The following TEX11 variants were observed in gnomAD, a reference collection of about 807,000 sequenced individuals.
TEX11 encodes testis-expressed protein 11.
TEX11 carries 7 observed loss-of-function variants against 84.4 expected under a neutral mutation model. That is an observed-to-expected ratio of 0.08 (90% CI 0.05 to 0.16). The LOEUF (loss-of-function observed/expected upper bound fraction) is 0.16, where lower values mean the gene tolerates loss of function less well. TEX11 is among the 10% of genes least tolerant of loss of function. TEX11 has a pLI of 1.00. For missense variants in TEX11, 551 were observed against 660.5 expected (o/e 0.83, Z 1.82); for synonymous variants, 264 against 222.8 (o/e 1.18, Z -1.64).
intron 9 of TEX11, among the ~76,000 whole-genome samples, chrX:70,772,064 C>A (rs1036182957): frequency 1.8e-5 from 2 of 111,697 alleles, no homozygotes; most frequent in African/African-American, 6.5e-5. Flanking sequence ...CACACAAACC[C>A]AGATTCCAGG....
In TEX11 at chrX:70,904,829, T is replaced by C. The variant is rs1297736078; in HGVS notation, c.37+2924A>G. On this transcript the variant is annotated intron_variant, in intron 2 of 29. Transcript: ENST00000374333. ...TGTAAAATAACTTATTAATAATTTGTATATTGATTATGTTATAATAACATT... is the reference window on the plus strand; with the variant it reads ...TGTAAAATAACTTATTAATAATTTGCATATTGATTATGTTATAATAACATT... 2.7e-5 allele frequency among the ~76,000 whole-genome samples: 3 copies of C among 112,803 alleles called. No individual in the cohort carries two copies. In the Admixed American group the frequency reaches 2.8e-4, roughly 11 times the overall value.
the TEX11 span, among the ~76,000 whole-genome samples, chrX:70,512,427 C>T: frequency 1.9e-5 from 2 of 107,667 alleles, no homozygotes; most frequent in African/African-American, 6.9e-5. Flanking sequence ...CCATGATGGC[C>T]AGGCTGGTCT....
chrX:70,849,178 T>G (rs971349271), intron 7 of TEX11, among the ~76,000 whole-genome samples: 1 of 112,124 alleles, frequency 8.9e-6, no homozygotes, highest in Non-Finnish European at 1.9e-5. Flanking sequence ...CTAACCTAAG[T>G]CATTCATTTG....
At chrX:70,864,190 C>T (rs1254409803) in intron 4 of TEX11, among the ~76,000 whole-genome samples, 2 of 111,089 alleles carry the variant, frequency 1.8e-5, no homozygotes, top group East Asian at 3.0e-4. Context: ...ACTTCCCCAA[C>T]CTGGCAAGGC....
intron 13 of TEX11, among the ~76,000 whole-genome samples, chrX:70,715,161 A>C (rs1478475480): frequency 1.8e-5 from 2 of 109,818 alleles, no homozygotes; most frequent in Non-Finnish European, 3.8e-5. Flanking sequence ...CTGAGAGATC[A>C]GCTGTTAGTC....
intron 13 of TEX11, among the ~76,000 whole-genome samples, chrX:70,695,886 C>CA (rs983894540): frequency 9.8e-5 from 11 of 111,724 alleles, no homozygotes; most frequent in Admixed American, 9.5e-4. Flanking sequence ...CCAAATATAG[C>CA]AAATTGTGAG....
intron 11 of TEX11, among the ~76,000 whole-genome samples, chrX:70,740,268 G>A (rs770277961): frequency 1.2e-4 from 13 of 111,298 alleles, no homozygotes; most frequent in Admixed American, 6.7e-4. Flanking sequence ...CAAGGTGCTC[G>A]CAGATTCGGT....
intron 17 of TEX11, among the ~76,000 whole-genome samples, chrX:70,632,076 C>T (rs910525480): frequency 1.0e-4 from 10 of 97,104 alleles, no homozygotes; most frequent in African/African-American, 3.7e-4. Flanking sequence ...TCTAAATTAG[C>T]CTTTGTTTTC....
At chrX:70,602,361 G>A (rs943251816) in intron 24 of TEX11, among the ~76,000 whole-genome samples, 3 of 107,704 alleles carry the variant, frequency 2.8e-5, no homozygotes, top group East Asian at 2.9e-4. Flanking sequence ...CCATGATCAA[G>A]TGGGCTTCAT....
At chrX:70,558,968 G>C (rs1452170156) in intron 25 of TEX11, among the ~76,000 whole-genome samples, 1 of 112,017 alleles carries the variant, frequency 8.9e-6, no homozygotes, top group African/African-American at 3.2e-5. Flanking sequence ...ATTGCTGGTG[G>C]AAATGTAAAA....
chrX:70,593,890 C>T (rs2088968441), intron 24 of TEX11, among the ~76,000 whole-genome samples: 1 of 110,905 alleles, frequency 9.0e-6, no homozygotes, highest in African/African-American at 3.3e-5. Context: ...ACATGGGACA[C>T]CATTAGGCAC....
intron 9 of TEX11, among the ~76,000 whole-genome samples, chrX:70,765,970 G>C (rs1260105180): frequency 8.9e-6 from 1 of 112,272 alleles, no homozygotes; most frequent in Non-Finnish European, 1.9e-5. Flanking sequence ...AAAATCAGTA[G>C]CATTTCTATA....
At position 70,529,994 on chromosome X, in the gene TEX11, G is replaced by C. The variant is rs2087864153; in HGVS notation, c.2526C>G (p.Asp842Glu). The C allele has an allele frequency of 1.7e-6, 2 of 1,203,401 alleles. No individual in the cohort carries two copies. ...GCCAGAGAATCTCCATTTCTGGGTAGTCTTTCTATAATCCAAGAACAGAAA... is the reference window on the plus strand; with the variant it reads ...GCCAGAGAATCTCCATTTCTGGGTACTCTTTCTATAATCCAAGAACAGAAA... ...DALSHISRTK[D>E]YPEMEILWLM... Residue 842 changes from aspartate to glutamate, a missense_variant, in exon 29 of 30, where the codon GAC becomes GAG. By Grantham distance (45) the Asp-to-Glu change is conservative. Coordinates refer to ENST00000374333, the MANE Select transcript of TEX11 (RefSeq NM_031276.3).
At chrX:70,777,810 CAAAG>C (rs1013993191) in intron 9 of TEX11, among the ~76,000 whole-genome samples, 2 of 110,639 alleles carry the variant, frequency 1.8e-5, no homozygotes, top group African/African-American at 6.6e-5. Context: ...AATCAAGTCA[CAAAG>C]GAAGACAGCA....
chrX:70,576,143 C>A (rs1212981918), intron 25 of TEX11, among the ~76,000 whole-genome samples: 1 of 111,728 alleles, frequency 9.0e-6, no homozygotes, highest in Admixed American at 9.6e-5. Context: ...CAGGGTTAAT[C>A]CTTTTGTAAA....
At chrX:70,622,654 T>A (rs2089408584) in intron 20 of TEX11, among the ~76,000 whole-genome samples, 1 of 112,027 alleles carries the variant, frequency 8.9e-6, no homozygotes, top group South Asian at 3.7e-4. Context: ...GGTTTAGTCC[T>A]TTTTTAAAAA....
intron 13 of TEX11, among the ~76,000 whole-genome samples, chrX:70,713,669 G>T (rs757261652): frequency 9.0e-6 from 1 of 111,101 alleles, no homozygotes; most frequent in Non-Finnish European, 1.9e-5. Context: ...GCGTCTATTT[G>T]ATTCTTCTCT....
chrX:70,566,909 C>G (rs1395328870), intron 25 of TEX11, among the ~76,000 whole-genome samples: 1 of 111,747 alleles, frequency 8.9e-6, no homozygotes, highest in Non-Finnish European at 1.9e-5. Flanking sequence ...CAGAATGATG[C>G]TGGCCTCATA....
chrX:70,778,190 G>A (rs1339742177), intron 9 of TEX11, among the ~76,000 whole-genome samples: 1 of 111,884 alleles, frequency 8.9e-6, no homozygotes, highest in East Asian at 2.8e-4. Context: ...AATTCATCAA[G>A]AGGATATAAC....
Sources: allele counts gnomAD v4.1 joint callset (sites outside exome capture counted in the v4.1 genomes callset), GRCh38; gene constraint gnomAD v4.1.1; transcripts MANE v1.5; gene names NCBI Gene and HGNC (gene_info 2026-07-23, HGNC 2026-07-21).